CYFIP2: variants seen among roughly 807,000 people sequenced by gnomAD.
CYFIP2 encodes the protein cytoplasmic FMR1-interacting protein 2.
In CYFIP2, 29 loss-of-function variants were observed where a neutral mutation model predicts 158.7. That is an observed-to-expected ratio of 0.18 (90% CI 0.14 to 0.25). The LOEUF (loss-of-function observed/expected upper bound fraction) is 0.25, where lower values mean the gene tolerates loss of function less well. Among genes scored for constraint, CYFIP2 ranks in the 10% least tolerant of loss-of-function variants. CYFIP2 has a pLI of 1.00. For missense variants in CYFIP2, 852 were observed against 1,639.5 expected, an observed-to-expected ratio of 0.52 and a Z score of 8.29; for synonymous variants, 585 against 617.6, an observed-to-expected ratio of 0.95 and a Z score of 0.78.
chr5:157,343,850 T>G (rs1054951138), intron 23 of CYFIP2, among the ~76,000 whole-genome samples: 1 of 152,112 alleles, frequency 6.6e-6, no homozygotes, highest in African/African-American at 2.4e-5. Context: ...TTAAGGGGAT[T>G]GTTCTCATCC....
intron 23 of CYFIP2, among the ~76,000 whole-genome samples, chr5:157,349,619 G>A (rs1428259117): frequency 6.6e-6 from 1 of 151,796 alleles, no homozygotes; most frequent in Admixed American, 6.5e-5. Flanking sequence ...CCTTTCCTCT[G>A]GGTAGATACC....
chr5:157,294,758 T>A, intron 3 of CYFIP2, 25 bp from the exon 4 acceptor site: 1 of 1,611,462 alleles, frequency 6.2e-7, no homozygotes, highest in East Asian at 2.2e-5. Flanking sequence ...TGTTCCTCCC[T>A]GCTGAGGCTG....
intron 9 of CYFIP2, 114 bp downstream of exon 9, chr5:157,307,979 G>A (rs1165849602): frequency 7.8e-6 from 5 of 639,926 alleles, no homozygotes; most frequent in Admixed American, 7.6e-5. Flanking sequence ...TAATTGAGCT[G>A]TAGCTCCAAA....
At chr5:157,305,278 T>C (rs891748954) in intron 8 of CYFIP2, among the ~76,000 whole-genome samples, 4 of 152,192 alleles carry the variant, frequency 2.6e-5, no homozygotes, top group African/African-American at 9.7e-5. Flanking sequence ...GGTAGTAGGA[T>C]TGCTGGATCA....
At chr5:157,347,588 G>A (rs1339389515) in intron 23 of CYFIP2, among the ~76,000 whole-genome samples, 2 of 152,206 alleles carry the variant, frequency 1.3e-5, no homozygotes, top group African/African-American at 4.8e-5. Context: ...AGGCCACGCA[G>A]CTGTTTGCAG....
intron 23 of CYFIP2, among the ~76,000 whole-genome samples, chr5:157,348,147 T>C (rs1762823998): frequency 6.6e-6 from 1 of 152,238 alleles, no homozygotes; most frequent in South Asian, 2.1e-4. Flanking sequence ...AAATTACTGC[T>C]AGAGGAAATC....
chr5:157,352,328 C>G (rs1175743143), intron 23 of CYFIP2, among the ~76,000 whole-genome samples: 2 of 152,266 alleles, frequency 1.3e-5, no homozygotes, highest in African/African-American at 4.8e-5. Context: ...ATCCTTAGGA[C>G]CCAGAACCCA....
At chr5:157,292,948 G>T (rs998015878) in intron 3 of CYFIP2, among the ~76,000 whole-genome samples, 5 of 152,018 alleles carry the variant, frequency 3.3e-5, no homozygotes, top group Non-Finnish European at 7.4e-5. Context: ...GAGAATTTTA[G>T]GATAAGTGAT....
intron 23 of CYFIP2, among the ~76,000 whole-genome samples, chr5:157,348,536 C>T (rs964289413): frequency 1.7e-4 from 26 of 152,146 alleles, no homozygotes; most frequent in Admixed American, 3.3e-4. Context: ...CTCAGCCTCC[C>T]GAGTACCTGG....
At chr5:157,319,110 T>C (rs1376939364) in intron 13 of CYFIP2, among the ~76,000 whole-genome samples, 1 of 151,972 alleles carries the variant, frequency 6.6e-6, no homozygotes, top group Non-Finnish European at 1.5e-5. Context: ...GGCAGGCAGG[T>C]CCCAAAAGAG....
intron 6 of CYFIP2, 108 bp from the exon 7 acceptor site, chr5:157,302,686 C>T (rs981894879): frequency 2.6e-6 from 2 of 766,024 alleles, no homozygotes; most frequent in Non-Finnish European, 4.2e-6. Flanking sequence ...TCATTAACTT[C>T]CAGGATGATG....
intron 29 of CYFIP2, 23 bp downstream of exon 29, chr5:157,389,450 AG>A (rs1767041296): frequency 3.9e-6 from 6 of 1,541,320 alleles, no homozygotes; most frequent in Non-Finnish European, 4.4e-6. Context: ...CAGAGAAGGC[AG>A]GGTTACCCCC....
intron 1 of CYFIP2, among the ~76,000 whole-genome samples, chr5:157,282,922 TAAG>T (rs1283572876): frequency 6.6e-6 from 1 of 152,190 alleles, no homozygotes; most frequent in African/African-American, 2.4e-5. Flanking sequence ...ATTGTGTTAT[TAAG>T]AAGCTGTGCA....
chr5:157,324,046 C>T lies in CYFIP2; in HGVS notation c.1797C>T (p.Phe599=), dbSNP rs755982840. 4 of 1,613,678 alleles carry T rather than the reference C, an allele frequency of 2.5e-6. No homozygotes were observed. Among genetic ancestry groups the T allele is most frequent in the Non-Finnish European group, 3.4e-6 (4 of 1,179,784 alleles). ...TAGAGGACTTTCACAAACAGTCCTT[C>T]TTCTTCACACATCTGCTCAACATCA... The part of the protein sequence containing the change: ...LAIEDFHKQS[F]FFTHLLNISE... Residue 599 remains phenylalanine (F), a synonymous_variant, in exon 16 of 31, where the codon TTC becomes TTT. Transcript: ENST00000620254.
chr5:157,393,908 T>C lies in CYFIP2; in HGVS notation c.*908T>C, dbSNP rs894904654. 2 of 152,122 alleles carry C rather than the reference T, an allele frequency of 1.3e-5. No homozygotes were observed. Among genetic ancestry groups the C allele is most frequent in the African/African-American group, 4.8e-5 (2 of 41,418 alleles). The allele number at this position is 152,122 out of a possible 1,614,324, so 9.4% of individuals were successfully genotyped here. On this transcript the variant is annotated 3_prime_UTR_variant, in exon 31 of 31. Transcript: ENST00000620254. ...GCACAGAATTGCTTATCAAGGAACA[T>C]TTCCACAAGAAAGAAAATATTAAGG...
chr5:157,270,501 C>T (rs1248231144), intron 1 of CYFIP2, among the ~76,000 whole-genome samples: 3 of 152,226 alleles, frequency 2.0e-5, no homozygotes, highest in Non-Finnish European at 4.4e-5. Flanking sequence ...AGAAGACATG[C>T]AGTAACTCTT....
At chr5:157,313,579 G>A (rs1179505385) in intron 11 of CYFIP2, among the ~76,000 whole-genome samples, 1 of 152,216 alleles carries the variant, frequency 6.6e-6, no homozygotes, top group African/African-American at 2.4e-5. Flanking sequence ...ACTTCAGCTG[G>A]GAGTGGGTGT....
intron 1 of CYFIP2, among the ~76,000 whole-genome samples, chr5:157,279,210 T>C (rs952850291): frequency 6.6e-6 from 1 of 152,236 alleles, no homozygotes; most frequent in Non-Finnish European, 1.5e-5. Flanking sequence ...TTGTAAATTG[T>C]CACCCTTACA....
At position 157,333,900 on chromosome 5, in the gene CYFIP2, G is replaced by T. The variant is rs182011894; in HGVS notation, c.2385+454G>T. 1.4e-3 allele frequency among the ~76,000 whole-genome samples: 211 copies of T among 152,272 alleles called. 1 individual carries two copies. Among genetic ancestry groups the T allele is most frequent in the African/African-American group, 4.9e-3 (204 of 41,552 alleles). The stretch of plus-strand genomic sequence containing the variant: ...ACATTTTCATTAAACATTGCACCCT[G>T]CAGATTATGTAACTGGTTCTGATGC... On this transcript the variant is annotated intron_variant, in intron 21 of 30. Coordinates refer to ENST00000620254, the MANE Select transcript of CYFIP2 (RefSeq NM_001037333.3).
Sources: allele counts gnomAD v4.1 joint callset (sites outside exome capture counted in the v4.1 genomes callset), GRCh38; gene constraint gnomAD v4.1.1; transcripts MANE v1.5; gene names NCBI Gene and HGNC (gene_info 2026-07-23, HGNC 2026-07-21).